POU2F2: variants seen among roughly 807,000 people sequenced by gnomAD.
The protein encoded by POU2F2 is POU class 2 homeobox 2.
POU2F2 carries 14 observed loss-of-function variants against 63.5 expected under a neutral mutation model. The ratio of observed to expected loss-of-function variants is 0.22; its 90% CI spans 0.15 to 0.34. The LOEUF is 0.34. Ranked by LOEUF, POU2F2 falls within the 10% of genes least tolerant of loss-of-function variation. The pLI, the probability that POU2F2 is intolerant of heterozygous loss-of-function variation, is 1.00. For missense variants in POU2F2, 607 were observed against 815.2 expected (o/e 0.74, Z 3.11); for synonymous variants, 306 against 348.6 (o/e 0.88, Z 1.36).
intron 1 of POU2F2, among the ~76,000 whole-genome samples, chr19:42,185,662 T>A (rs2035004966): frequency 6.6e-6 from 1 of 152,138 alleles, no homozygotes; most frequent in South Asian, 2.1e-4. Context: ...AAGAACCAAC[T>A]TAAAATCATA....
At chr19:42,106,839 C>A (rs1049143957) in intron 5 of POU2F2, among the ~76,000 whole-genome samples, 1 of 147,800 alleles carries the variant, frequency 6.8e-6, no homozygotes, top group Admixed American at 6.7e-5. Flanking sequence ...GGAGGAGGAG[C>A]AGGAGGAGAA....
intron 2 of POU2F2, among the ~76,000 whole-genome samples, chr19:42,145,117 C>A: frequency 6.6e-6 from 1 of 152,206 alleles, no homozygotes; most frequent in Non-Finnish European, 1.5e-5. Context: ...CACTGCCAGA[C>A]CACACCACCA....
In POU2F2 at chr19:42,095,782, T is replaced by A; in HGVS notation, c.871+6A>T. 2.5e-6 allele frequency: 4 copies of A among 1,613,872 alleles called. No homozygotes were observed. The highest frequency in any genetic ancestry group is 3.4e-6 in the Non-Finnish European group (4 of 1,179,876). On this transcript the variant is annotated splice_donor_region_variant and intron_variant, in intron 9 of 14. Transcript: ENST00000692977. This position sits in a 1 kb window ranked among gnomAD's most constrained non-coding sequence, Gnocchi z 7.1. Reference sequence around the variant, plus strand: ...CCCCTACGCGGGAACCCCAGCCTGGTCCCACCTGCATCGTTGAGCCACTTC... The same window carrying A: ...CCCCTACGCGGGAACCCCAGCCTGGACCCACCTGCATCGTTGAGCCACTTC...
chr19:42,130,387 C>T (rs1490585558), intron 1 of POU2F2, among the ~76,000 whole-genome samples: 1 of 152,136 alleles, frequency 6.6e-6, no homozygotes, highest in African/African-American at 2.4e-5. Context: ...ACCCAGTTCA[C>T]AGGTGTGGAG....
At chr19:42,185,237 C>A (rs765778371) in intron 1 of POU2F2, among the ~76,000 whole-genome samples, 2 of 152,150 alleles carry the variant, frequency 1.3e-5, no homozygotes, top group Non-Finnish European at 2.9e-5. Flanking sequence ...CTCTTCCCTG[C>A]TCCCAGTGTC....
chr19:42,179,260 A>T (rs1216681727), upstream of POU2F2, among the ~76,000 whole-genome samples: 3 of 151,336 alleles, frequency 2.0e-5, no homozygotes, highest in Non-Finnish European at 1.5e-5. Context: ...GGGAAGGGAG[A>T]GGAGGGGAAG....
intron 1 of POU2F2, among the ~76,000 whole-genome samples, chr19:42,190,601 C>T (rs1039828453): frequency 6.6e-6 from 1 of 152,086 alleles, no homozygotes; most frequent in Non-Finnish European, 1.5e-5. Context: ...CACCTGTAAT[C>T]CCAGCACTCT....
intron 1 of POU2F2, among the ~76,000 whole-genome samples, chr19:42,165,595 A>G (rs1348764056): frequency 6.6e-6 from 1 of 152,220 alleles, no homozygotes; most frequent in Non-Finnish European, 1.5e-5. Context: ...AGAAGAGCAC[A>G]GTGGGTAAAC....
intron 1 of POU2F2, among the ~76,000 whole-genome samples, chr19:42,171,260 G>A (rs1021520979): frequency 2.0e-5 from 3 of 152,174 alleles, no homozygotes; most frequent in Non-Finnish European, 4.4e-5. Context: ...TGTATGGGTG[G>A]TGGGATGGCT....
intron 1 of POU2F2, among the ~76,000 whole-genome samples, chr19:42,127,398 G>T (rs1206983593): frequency 1.3e-5 from 2 of 149,666 alleles, no homozygotes; most frequent in Non-Finnish European, 3.0e-5. Flanking sequence ...CTTTTTTTTT[G>T]AGATGGAGTC....
rs549745851 is a variant in POU2F2, at chr19:42,091,191, G to A, written c.*66C>T. 2.1e-4 allele frequency: 295 copies of A among 1,424,934 alleles called. No individual in the cohort carries two copies. Among genetic ancestry groups the A allele is most frequent in the African/African-American group, 1.2e-3 (84 of 67,954 alleles). 88.3% of individuals were successfully genotyped at this position (1,424,934 alleles called of 1,614,324 possible). A position where few individuals can be genotyped will look rare whatever the true frequency, so the allele number is the denominator to read the frequency against. On this transcript the variant is annotated 3_prime_UTR_variant, in exon 15 of 15. Transcript: ENST00000692977. The stretch of plus-strand genomic sequence containing the variant: ...CTGCGTCCCCACCACTGGCCTCCTC[G>A]CCCTCTTCCCAGGCAAGGGACCAAG...
intron 2 of POU2F2, among the ~76,000 whole-genome samples, chr19:42,148,246 G>A (rs1217776312): frequency 1.3e-5 from 2 of 152,138 alleles, no homozygotes; most frequent in African/African-American, 4.8e-5. Flanking sequence ...TTCCCACATG[G>A]CCCAGAGGGA....
chr19:42,169,337 C>T lies in POU2F2; in HGVS notation c.-70+6626G>A, dbSNP rs535517484. Among the ~76,000 whole-genome samples the T allele has an allele frequency of 2.6e-5, 4 of 152,318 alleles. No individual in the cohort carries two copies. The highest frequency in any genetic ancestry group is 1.9e-4 in the East Asian group (1 of 5,182). On this transcript the variant is annotated intron_variant, in intron 1 of 6. Transcript: ENST00000524801. The surrounding 1 kb of genome is among the most constrained non-coding windows in gnomAD (Gnocchi z 4.3). The stretch of plus-strand genomic sequence containing the variant: ...TTCTATTGAAAAACAAATCTCCACA[C>T]GAGGAGCACCCTGGTGTTTTGGTGT...
chr19:42,099,459 C>T, intron 7 of POU2F2, 68 bp downstream of exon 7: 2 of 1,384,608 alleles, frequency 1.4e-6, no homozygotes, highest in Non-Finnish European at 2.0e-6. Flanking sequence ...ATCCCCCACC[C>T]CCGTTTACCC....
At chr19:42,097,747 G>A (rs1318813876) in intron 7 of POU2F2, among the ~76,000 whole-genome samples, 5 of 152,176 alleles carry the variant, frequency 3.3e-5, no homozygotes, top group Non-Finnish European at 7.4e-5. Flanking sequence ...GGCTGAGGCT[G>A]CAGTAAGCTG....
intron 1 of POU2F2, among the ~76,000 whole-genome samples, chr19:42,173,143 T>A (rs1416720758): frequency 2.0e-5 from 3 of 151,980 alleles, no homozygotes; most frequent in Non-Finnish European, 4.4e-5. Context: ...AAATGATGAG[T>A]GAAATATATT....
At position 42,095,983 on chromosome 19, in the gene POU2F2, TG is replaced by T. The variant is rs2076906996; in HGVS notation, c.730-55del. ...AAGTCAGGGTGGGGCCTTCCGGCAC[TG>T]GGCCCGCTCCGCCCGCCCACTGGCC... is the stretch of plus-strand genomic sequence containing the variant. On this transcript the variant is annotated intron_variant, in intron 8 of 14. Transcript: ENST00000692977. This position sits in a 1 kb window ranked among gnomAD's most constrained non-coding sequence, Gnocchi z 7.1. The T allele has an allele frequency of 6.3e-7, 1 of 1,591,122 alleles. No homozygotes were observed. The highest frequency in any genetic ancestry group is 8.6e-7 in the Non-Finnish European group (1 of 1,168,114).
intron 2 of POU2F2, among the ~76,000 whole-genome samples, chr19:42,159,251 A>G (rs2034510905): frequency 6.6e-6 from 1 of 152,160 alleles, no homozygotes; most frequent in South Asian, 2.1e-4. Context: ...CTGGCAAGTC[A>G]GGGTTGCATC....
At position 42,117,100 on chromosome 19, in the gene POU2F2, G is replaced by T; in HGVS notation, c.369+150C>A. ...TTAGTGCCTAAGCCAAGCAAGTAAGGGGACAAGACCTCCTAGAGGACAGAA... is the reference window on the plus strand; with the variant it reads ...TTAGTGCCTAAGCCAAGCAAGTAAGTGGACAAGACCTCCTAGAGGACAGAA... On this transcript the variant is annotated intron_variant, in intron 5 of 14. Transcript: ENST00000692977. The surrounding 1 kb of genome is among the most constrained non-coding windows in gnomAD (Gnocchi z 4.4). 1 of 709,416 alleles carries T rather than the reference G, an allele frequency of 1.4e-6. No homozygotes were observed. The highest frequency in any genetic ancestry group is 2.4e-6 in the Non-Finnish European group (1 of 409,364). The allele number at this position is 709,416 out of a possible 1,614,324, so 43.9% of individuals were successfully genotyped here.
Sources: gnomAD v4.1 joint callset for allele counts (sites outside exome capture counted in the v4.1 genomes callset) on GRCh38, gnomAD v4.1.1 for gene constraint, Gnocchi (gnomAD v3.1) non-coding constraint, MANE v1.5 for transcripts, NCBI Gene and HGNC (gene_info 2026-07-23, HGNC 2026-07-21) for gene names.